The following ABCA13 variants were observed in gnomAD, a reference collection of about 807,000 sequenced individuals.
ABCA13 encodes ATP binding cassette subfamily A member 13, also known as ATP-binding cassette sub-family A member 13.
A neutral mutation model predicts 478.7 loss-of-function variants in ABCA13; 476 were observed. The observed-to-expected ratio is 0.99, with a 90% CI of 0.92 to 1.07. ABCA13 has a LOEUF of 1.07. Ranked by LOEUF, ABCA13 falls within the 50% of genes least tolerant of loss-of-function variation. The pLI is 0.00. For synonymous variants in ABCA13, 2,252 were observed against 2,158.9 expected (o/e 1.04, Z -1.20); for missense variants, 6,060 against 5,910.6 (o/e 1.03, Z -0.83).
At chr7:48,617,166 T>C (rs1263990852) in intron 59 of ABCA13, among the ~76,000 whole-genome samples, 3 of 152,158 alleles carry the variant, frequency 2.0e-5, no homozygotes, top group East Asian at 3.9e-4. Flanking sequence ...ACATAGATGG[T>C]AACAATAACT....
chr7:48,458,066 A>G (rs1300042740), intron 43 of ABCA13, among the ~76,000 whole-genome samples: 1 of 152,166 alleles, frequency 6.6e-6, no homozygotes, highest in Non-Finnish European at 1.5e-5. Flanking sequence ...TCTTCTGCAT[A>G]CTGGATCCTC....
chr7:48,427,092 C>T (rs778921111), intron 41 of ABCA13, among the ~76,000 whole-genome samples: 7 of 152,164 alleles, frequency 4.6e-5, no homozygotes. Flanking sequence ...TCCCTGCCAG[C>T]GATCCAGGTG....
At chr7:48,243,649 C>A (rs1473953678) in intron 10 of ABCA13, among the ~76,000 whole-genome samples, 2 of 152,228 alleles carry the variant, frequency 1.3e-5, no homozygotes. Context: ...AGCTCTCCAG[C>A]TAGAGAATAG....
chr7:48,590,108 A>T lies in ABCA13; in HGVS notation c.14640+2820A>T, dbSNP rs1441167783. Among the ~76,000 whole-genome samples the T allele has an allele frequency of 2.0e-5, 3 of 151,470 alleles. No homozygotes were observed. In the East Asian group the frequency reaches 5.8e-4, roughly 29 times the overall value. ...CATTTCCACAGCCTGGCACCTTTCT[A>T]CTCTCTCTTCCTATGTGTTCAACTT... On this transcript the variant is annotated intron_variant, in intron 57 of 61. Coordinates refer to ENST00000435803, the MANE Select transcript of ABCA13 (RefSeq NM_152701.5).
At chr7:48,449,982 A>G (rs928011365) in intron 42 of ABCA13, among the ~76,000 whole-genome samples, 20 of 152,320 alleles carry the variant, frequency 1.3e-4, no homozygotes, top group Non-Finnish European at 1.3e-4. Context: ...GACATTATGT[A>G]TATTTCACTG....
Position 48,314,512 on chromosome 7 carries a change from A to G in ABCA13, c.9859+103A>G, listed in dbSNP as rs981056188. ...TTCTGTCTGTGTATAAGGTTGCTAT[A>G]TACTGGCATAGAATCTTCTGCTTCC... is the stretch of plus-strand genomic sequence containing the variant. On this transcript the variant is annotated intron_variant, in intron 26 of 61. Transcript: ENST00000435803. 14 of 1,089,756 alleles carry G rather than the reference A, an allele frequency of 1.3e-5. No individual in the cohort carries two copies. In the African/African-American group the frequency reaches 2.3e-4, roughly 18 times the overall value. 67.5% of individuals were successfully genotyped at this position (1,089,756 alleles called of 1,614,324 possible). A position where few individuals can be genotyped will look rare whatever the true frequency, so the allele number is the denominator to read the frequency against.
At chr7:48,479,034 G>A (rs1045896296) in intron 45 of ABCA13, among the ~76,000 whole-genome samples, 36 of 147,236 alleles carry the variant, frequency 2.4e-4, no homozygotes, top group African/African-American at 7.5e-4. Flanking sequence ...TGCAAGCTCC[G>A]CCTCCTGGGT....
intron 51 of ABCA13, among the ~76,000 whole-genome samples, chr7:48,516,409 G>A (rs1045370181): frequency 6.6e-6 from 1 of 151,970 alleles, no homozygotes; most frequent in Non-Finnish European, 1.5e-5. Flanking sequence ...ATTGACTGTC[G>A]CAGCATGGCA....
At chr7:48,209,499 C>T (rs1189005796) in intron 3 of ABCA13, among the ~76,000 whole-genome samples, 1 of 151,994 alleles carries the variant, frequency 6.6e-6, no homozygotes, top group Non-Finnish European at 1.5e-5. Context: ...GGGTCCTGAG[C>T]TTTTCTTTGA....
At chr7:48,364,000 T>G (rs1018291578) in intron 31 of ABCA13, among the ~76,000 whole-genome samples, 3 of 152,194 alleles carry the variant, frequency 2.0e-5, no homozygotes, top group Non-Finnish European at 2.9e-5. Flanking sequence ...CAATCTCTTT[T>G]TATTTCTTGC....
In ABCA13 at chr7:48,274,510, C is replaced by CACCAAAAAT; in HGVS notation, c.4846_4854dup (p.Pro1616_Ile1618dup). The CACCAAAAAT allele has an allele frequency of 6.2e-7, 1 of 1,613,842 alleles. No homozygotes were observed. Among genetic ancestry groups the CACCAAAAAT allele is most frequent in the East Asian group, 2.2e-5 (1 of 44,866 alleles). ...AGCTTATCTCATGACCTCCAAAATTCACCAAAAATAATAATTTCACCTGAA... is the reference window on the plus strand; with the variant it reads ...AGCTTATCTCATGACCTCCAAAATTCACCAAAAATACCAAAAATAATAATTTCACCTGAA... On this transcript the variant is annotated inframe_insertion, in exon 17 of 62. Coordinates refer to ENST00000435803, the MANE Select transcript of ABCA13 (RefSeq NM_152701.5).
At chr7:48,297,721 A>G (rs1799580362) in intron 22 of ABCA13, among the ~76,000 whole-genome samples, 1 of 152,144 alleles carries the variant, frequency 6.6e-6, no homozygotes, top group Non-Finnish European at 1.5e-5. Flanking sequence ...ATGCATGTAT[A>G]CAAGTGAGTT....
chr7:48,568,740 T>C (rs942362154), intron 55 of ABCA13, among the ~76,000 whole-genome samples: 1 of 152,014 alleles, frequency 6.6e-6, no homozygotes, highest in Non-Finnish European at 1.5e-5. Context: ...GGTAGTGGGC[T>C]TTTATTTATG....
chr7:48,485,536 T>C (rs1585542970), intron 47 of ABCA13, among the ~76,000 whole-genome samples: 1 of 152,218 alleles, frequency 6.6e-6, no homozygotes, highest in East Asian at 1.9e-4. Context: ...TCACAAAGTA[T>C]GCATTTATTA....
At chr7:48,419,883 T>C (rs1820517142) in intron 41 of ABCA13, among the ~76,000 whole-genome samples, 1 of 152,208 alleles carries the variant, frequency 6.6e-6, no homozygotes, top group South Asian at 2.1e-4. Context: ...ACAATGTATA[T>C]GAGATCTAAC....
At chr7:48,436,191 G>A (rs1332194738) in intron 42 of ABCA13, among the ~76,000 whole-genome samples, 1 of 151,300 alleles carries the variant, frequency 6.6e-6, no homozygotes. Flanking sequence ...TTTAATTATT[G>A]ATTCTATCTC....
At position 48,278,158 on chromosome 7, in the gene ABCA13, C is replaced by A. The variant is rs751668082; in HGVS notation, c.6964C>A (p.Gln2322Lys). 92 of 1,536,702 alleles carry A rather than the reference C, an allele frequency of 6.0e-5. No homozygotes were observed. Among genetic ancestry groups the A allele is most frequent in the Non-Finnish European group, 8.0e-5 (91 of 1,138,790 alleles). Reference protein sequence around the residue: ...KLDQFLTLMIQDRLMNIFSSL... With the variant: ...KLDQFLTLMIKDRLMNIFSSL... ...GGATCAATTTCTTACCCTGATGATA[C>A]AAGACAGATTGATGAACATTTTTTC... The change falls in exon 18 of 62, where the codon CAA becomes AAA. Residue 2322 changes from glutamine (Q) to lysine (K), a missense_variant. Transcript: ENST00000435803.
chr7:48,294,818 G>T (rs1799149166), intron 20 of ABCA13, among the ~76,000 whole-genome samples: 1 of 152,152 alleles, frequency 6.6e-6, no homozygotes, highest in African/African-American at 2.4e-5. Context: ...TTTTCTTTTT[G>T]TGGCTGACTT....
At position 48,427,848 on chromosome 7, in the gene ABCA13, C is replaced by T. The variant is rs1821642690; in HGVS notation, c.12542C>T (p.Pro4181Leu). 16 of 1,606,872 alleles carry T rather than the reference C, an allele frequency of 1.0e-5. No homozygotes were observed. The highest frequency in any genetic ancestry group is 1.4e-5 in the Non-Finnish European group (16 of 1,177,572). The part of the protein sequence containing the change: ...GTESELQNHR[P>L]TGHLSGYCGS... ...GAGTCAGAGCTGCAGAACCACAGGC[C>T]TACAGGACATCTGTCTGGCTACTGT... The change falls in exon 42 of 62, where the codon CCT becomes CTT. Residue 4181 changes from proline (P) to leucine (L), a missense_variant. Physicochemically the swap from Pro to Leu is moderately conservative, Grantham distance 98. Coordinates refer to ENST00000435803, the MANE Select transcript of ABCA13 (RefSeq NM_152701.5).
Sources: allele counts gnomAD v4.1 joint callset (sites outside exome capture counted in the v4.1 genomes callset), GRCh38; gene constraint gnomAD v4.1.1; transcripts MANE v1.5; gene names NCBI Gene and HGNC (gene_info 2026-07-23, HGNC 2026-07-21).